Variants in SETBP1 observed in about 807,000 individuals in gnomAD.
The protein encoded by SETBP1 is SET-binding protein.
SETBP1 carries 9 observed loss-of-function variants against 101.0 expected under a neutral mutation model. That is an observed-to-expected ratio of 0.09 (90% CI 0.05 to 0.16). The LOEUF is 0.16. SETBP1 is among the 10% of genes least tolerant of loss of function. SETBP1 has a pLI of 1.00. For missense variants in SETBP1, 1,858 were observed against 2,033.8 expected (o/e 0.91, Z 1.66); for synonymous variants, 818 against 788.5 (o/e 1.04, Z -0.63).
chr18:44,845,911 T>A (rs1744352599), intron 2 of SETBP1, among the ~76,000 whole-genome samples: 1 of 152,106 alleles, frequency 6.6e-6, no homozygotes, highest in Admixed American at 6.5e-5. Context: ...CTTCCCAGGG[T>A]AAATAAGAAG....
Position 45,018,050 on chromosome 18 carries a change from T to C in SETBP1, c.4001-20435T>C, listed in dbSNP as rs546737990. On this transcript the variant is annotated intron_variant, in intron 4 of 5. Coordinates refer to ENST00000649279, the MANE Select transcript of SETBP1 (RefSeq NM_015559.3). ...CATCAGTGGAATATTGGAATCCACTTAATGATCCTTCCCAGTCCTGATAGT... is the reference window on the plus strand; with the variant it reads ...CATCAGTGGAATATTGGAATCCACTCAATGATCCTTCCCAGTCCTGATAGT... Among the ~76,000 whole-genome samples, 5 of 152,312 alleles carry C rather than the reference T, an allele frequency of 3.3e-5. No individual in the cohort carries two copies. In the East Asian group the frequency reaches 9.6e-4, roughly 29 times the overall value.
chr18:44,764,954 A>T (rs2070735119), intron 2 of SETBP1, among the ~76,000 whole-genome samples: 1 of 152,210 alleles, frequency 6.6e-6, no homozygotes, highest in Non-Finnish European at 1.5e-5. Flanking sequence ...CACAGAGTGC[A>T]TGTTCAACAA....
chr18:44,742,384 C>T (rs937829171), intron 2 of SETBP1, among the ~76,000 whole-genome samples: 2 of 152,178 alleles, frequency 1.3e-5, no homozygotes, highest in Non-Finnish European at 2.9e-5. Flanking sequence ...GGTTTCATGT[C>T]CTCTAGTTAG....
intron 3 of SETBP1, among the ~76,000 whole-genome samples, chr18:44,943,531 G>A (rs987148775): frequency 6.6e-6 from 1 of 152,200 alleles, no homozygotes; most frequent in Non-Finnish European, 1.5e-5. Flanking sequence ...TGAGAGCTTT[G>A]AAAAAGTACT....
At chr18:44,681,374 G>A (rs964598552) in intron 1 of SETBP1, among the ~76,000 whole-genome samples, 6 of 152,158 alleles carry the variant, frequency 3.9e-5, no homozygotes, top group Non-Finnish European at 5.9e-5. Context: ...AAACTGGACC[G>A]GGCAGATCTT....
At chr18:44,956,492 T>G (rs1408970132) in intron 4 of SETBP1, among the ~76,000 whole-genome samples, 1 of 152,142 alleles carries the variant, frequency 6.6e-6, no homozygotes, top group Non-Finnish European at 1.5e-5. Flanking sequence ...AGGGTCATGA[T>G]TGGAAATAAG....
intron 4 of SETBP1, among the ~76,000 whole-genome samples, chr18:45,026,149 A>C (rs1234039862): frequency 6.6e-6 from 1 of 152,228 alleles, no homozygotes; most frequent in Non-Finnish European, 1.5e-5. Context: ...ATTAGGAAGA[A>C]TCTAGAGAAG....
At chr18:45,042,022 A>T (rs970795382) in intron 5 of SETBP1, among the ~76,000 whole-genome samples, 2 of 152,174 alleles carry the variant, frequency 1.3e-5, no homozygotes, top group Non-Finnish European at 2.9e-5. Context: ...TTCCTGACAC[A>T]TAGTACATGC....
intron 3 of SETBP1, chr18:44,876,479 T>G (rs1599262080): frequency 1.1e-6 from 1 of 907,164 alleles, no homozygotes; most frequent in Non-Finnish European, 1.8e-6. Flanking sequence ...ACCCCTGTAG[T>G]GTGGATTGAA....
intron 4 of SETBP1, among the ~76,000 whole-genome samples, chr18:45,035,543 G>C (rs2073379440): frequency 1.3e-5 from 2 of 152,208 alleles, no homozygotes; most frequent in African/African-American, 4.8e-5. Context: ...AATTTGGATT[G>C]TGAGCATTTG....
chr18:44,692,413 C>A (rs1342992850), intron 1 of SETBP1, among the ~76,000 whole-genome samples: 4 of 152,178 alleles, frequency 2.6e-5, no homozygotes, highest in Non-Finnish European at 4.4e-5. Context: ...GAAATCTAAA[C>A]CTATGTCATC....
At chr18:44,761,022 G>A (rs1014114951) in intron 2 of SETBP1, among the ~76,000 whole-genome samples, 33 of 152,252 alleles carry the variant, frequency 2.2e-4, no homozygotes, top group African/African-American at 7.5e-4. Flanking sequence ...TGTATCTACT[G>A]TGTACCAGAG....
chr18:44,874,998 T>C (rs1599259725), intron 3 of SETBP1, among the ~76,000 whole-genome samples: 2 of 151,966 alleles, frequency 1.3e-5, no homozygotes, highest in African/African-American at 2.4e-5. Context: ...TCAAGGAGGG[T>C]CTATGTATTG....
chr18:44,771,767 G>A (rs995639457), intron 2 of SETBP1, among the ~76,000 whole-genome samples: 9 of 152,118 alleles, frequency 5.9e-5, no homozygotes, highest in African/African-American at 1.7e-4. Flanking sequence ...CAAAATCAAC[G>A]TGGGTATTTC....
At chr18:44,803,540 T>G (rs551534021) in intron 2 of SETBP1, among the ~76,000 whole-genome samples, 6 of 152,240 alleles carry the variant, frequency 3.9e-5, no homozygotes, top group Admixed American at 2.0e-4. Context: ...CCTCCATTAT[T>G]TTCTCTCTTG....
At chr18:44,760,470 G>A (rs2070613375) in intron 2 of SETBP1, among the ~76,000 whole-genome samples, 1 of 152,318 alleles carries the variant, frequency 6.6e-6, no homozygotes, top group South Asian at 2.1e-4. Flanking sequence ...TTGGTCAACT[G>A]ACCTTATTTC....
chr18:45,032,999 T>C (rs2073327807), intron 4 of SETBP1, among the ~76,000 whole-genome samples: 1 of 152,152 alleles, frequency 6.6e-6, no homozygotes. Context: ...AAAATAAAAT[T>C]TTTATTGACT....
chr18:44,749,109 G>C (rs1033488901), intron 2 of SETBP1, among the ~76,000 whole-genome samples: 2 of 152,138 alleles, frequency 1.3e-5, no homozygotes, highest in South Asian at 4.1e-4. Flanking sequence ...GGATCTCCAA[G>C]CCTTCTTCCC....
At chr18:44,785,731 A>G (rs956290339) in intron 2 of SETBP1, among the ~76,000 whole-genome samples, 2 of 152,196 alleles carry the variant, frequency 1.3e-5, no homozygotes, top group African/African-American at 4.8e-5. Flanking sequence ...TGATTGAGAC[A>G]CAACATGCTC....
Sources: gnomAD v4.1 joint callset for allele counts (sites outside exome capture counted in the v4.1 genomes callset) on GRCh38, gnomAD v4.1.1 for gene constraint, MANE v1.5 for transcripts, NCBI Gene and HGNC (gene_info 2026-07-23, HGNC 2026-07-21) for gene names.